FHIT: variants seen among roughly 807,000 people sequenced by gnomAD.
FHIT encodes fragile histidine triad diadenosine triphosphatase.
FHIT carries 19 observed loss-of-function variants against 17.9 expected under a neutral mutation model. That is an observed-to-expected ratio of 1.06 (90% CI 0.74 to 1.56). The LOEUF is 1.56. Ranked by LOEUF, FHIT falls within the 40% of genes most tolerant of loss-of-function variation. The pLI is 0.00. For missense variants in FHIT, 248 were observed against 189.2 expected, an observed-to-expected ratio of 1.31 and a Z score of -1.82; for synonymous variants, 81 against 69.7, an observed-to-expected ratio of 1.16 and a Z score of -0.81.
At chr3:60,673,165 A>G (rs2040548920) in intron 4 of FHIT, among the ~76,000 whole-genome samples, 2 of 152,060 alleles carry the variant, frequency 1.3e-5, no homozygotes, top group South Asian at 2.1e-4. Flanking sequence ...ATTATTCCAT[A>G]TATTTACCAT....
At chr3:60,807,556 C>A (rs1701440566) in intron 4 of FHIT, among the ~76,000 whole-genome samples, 1 of 152,114 alleles carries the variant, frequency 6.6e-6, no homozygotes, top group African/African-American at 2.4e-5. Flanking sequence ...CCACTGCACC[C>A]CAGCCTGGGC....
chr3:60,541,867 G>C (rs1010508170), intron 4 of FHIT, among the ~76,000 whole-genome samples: 2 of 152,166 alleles, frequency 1.3e-5, no homozygotes, highest in African/African-American at 4.8e-5. Flanking sequence ...GAATAGAATT[G>C]ACTTAGCACA....
chr3:61,102,541 T>C (rs2035864852), intron 2 of FHIT, among the ~76,000 whole-genome samples: 2 of 152,184 alleles, frequency 1.3e-5, no homozygotes, highest in Admixed American at 6.5e-5. Context: ...TCTTCCAGGC[T>C]TTGGTATCAG....
In FHIT at chr3:60,124,017, G is replaced by GAA. The variant is rs1559653782; in HGVS notation, c.104-109866_104-109865insTT. Among the ~76,000 whole-genome samples the GAA allele has an allele frequency of 4.0e-4, 25 of 63,000 alleles. No homozygotes were observed. In the East Asian group the frequency reaches 6.9e-3, roughly 17 times the overall value. 41.3% of individuals were successfully genotyped at this position (63,000 alleles called of 152,430 possible). A position where few individuals can be genotyped will look rare whatever the true frequency, so the allele number is the denominator to read the frequency against. On this transcript the variant is annotated intron_variant, in intron 5 of 9. Coordinates refer to ENST00000492590, the MANE Select transcript of FHIT (RefSeq NM_002012.4). ...ATATATATATATATATATAGAGAGAGAGAGAGAGAGAGAGAGAGAGAGAGA... is the reference window on the plus strand; with the variant it reads ...ATATATATATATATATATAGAGAGAGAAAGAGAGAGAGAGAGAGAGAGAGAGA...
Position 60,544,819 on chromosome 3 carries a change from A to G in FHIT, c.-17-7840T>C, listed in dbSNP as rs576843395. 4.6e-5 allele frequency among the ~76,000 whole-genome samples: 7 copies of G among 151,050 alleles called. No individual in the cohort carries two copies. The South Asian group carries it at 1.5e-3, about 32-fold the overall frequency. On this transcript the variant is annotated intron_variant, in intron 4 of 9. Coordinates refer to ENST00000492590, the MANE Select transcript of FHIT (RefSeq NM_002012.4). ...ACCACATTGGCCAGGCTGGTCTCGAACTCCTAACCTCAAGTAATCCACCTG... is the reference window on the plus strand; with the variant it reads ...ACCACATTGGCCAGGCTGGTCTCGAGCTCCTAACCTCAAGTAATCCACCTG...
At chr3:61,040,000 G>C (rs77486676) in intron 3 of FHIT, among the ~76,000 whole-genome samples, 2,881 of 152,262 alleles carry the variant, frequency 0.019, 39 homozygotes, top group Non-Finnish European at 0.027. Flanking sequence ...AGCAAAGAAA[G>C]AGCATCAGAA....
intron 5 of FHIT, among the ~76,000 whole-genome samples, chr3:60,286,822 A>G (rs1402989885): frequency 6.6e-6 from 1 of 152,210 alleles, no homozygotes; most frequent in African/African-American, 2.4e-5. Flanking sequence ...AGATCAATTT[A>G]CCATCCCATG....
At chr3:60,729,390 C>T (rs1223607701) in intron 4 of FHIT, among the ~76,000 whole-genome samples, 1 of 152,140 alleles carries the variant, frequency 6.6e-6, no homozygotes, top group East Asian at 1.9e-4. Context: ...TTGTATGCGG[C>T]TTGTGTCATC....
intron 5 of FHIT, among the ~76,000 whole-genome samples, chr3:60,442,499 A>G (rs986429226): frequency 1.3e-5 from 2 of 152,172 alleles, no homozygotes; most frequent in African/African-American, 4.8e-5. Flanking sequence ...ATGGCTAGCC[A>G]GTTTTCCCAG....
At chr3:60,587,129 A>G (rs1253634622) in intron 4 of FHIT, among the ~76,000 whole-genome samples, 1 of 152,060 alleles carries the variant, frequency 6.6e-6, no homozygotes, top group East Asian at 1.9e-4. Context: ...CAGACTAGAT[A>G]AAGAAAAAGT....
At chr3:59,988,676 G>C (rs1709093929) in intron 7 of FHIT, among the ~76,000 whole-genome samples, 1 of 152,012 alleles carries the variant, frequency 6.6e-6, no homozygotes, top group South Asian at 2.1e-4. Context: ...TGTGCCTAAG[G>C]GTTTCAAACT....
At chr3:59,908,789 T>G (rs1704705543) in intron 8 of FHIT, among the ~76,000 whole-genome samples, 1 of 152,166 alleles carries the variant, frequency 6.6e-6, no homozygotes, top group Non-Finnish European at 1.5e-5. Context: ...GCTGATGAGA[T>G]GGTTTGCTTT....
chr3:59,821,351 G>T (rs936824), intron 8 of FHIT, among the ~76,000 whole-genome samples: 1 of 152,200 alleles, frequency 6.6e-6, no homozygotes, highest in East Asian at 1.9e-4. Flanking sequence ...GGCTCATGTC[G>T]GGGTAAAGAG....
intron 5 of FHIT, among the ~76,000 whole-genome samples, chr3:60,335,284 A>C (rs1295134810): frequency 1.3e-5 from 2 of 152,222 alleles, no homozygotes; most frequent in Admixed American, 6.5e-5. Context: ...CTTAAAAAAA[A>C]CTTGAATTGC....
At chr3:59,802,078 C>T (rs959182619) in intron 8 of FHIT, among the ~76,000 whole-genome samples, 2 of 152,232 alleles carry the variant, frequency 1.3e-5, no homozygotes, top group African/African-American at 4.8e-5. Flanking sequence ...ATGCCACAGG[C>T]TGCCACATGG....
intron 6 of FHIT, among the ~76,000 whole-genome samples, chr3:60,013,669 G>A (rs1049553541): frequency 6.6e-6 from 1 of 152,164 alleles, no homozygotes; most frequent in African/African-American, 2.4e-5. Flanking sequence ...CTTAGTCTAT[G>A]CAGTGCTCAA....
intron 8 of FHIT, among the ~76,000 whole-genome samples, chr3:59,818,949 C>A (rs1025655108): frequency 2.0e-5 from 3 of 152,230 alleles, no homozygotes; most frequent in Admixed American, 6.5e-5. Context: ...GCAATGACTA[C>A]TCTGTGTCAG....
chr3:61,080,446 A>C (rs1042044107), intron 2 of FHIT, among the ~76,000 whole-genome samples: 5 of 152,212 alleles, frequency 3.3e-5, no homozygotes, highest in African/African-American at 1.2e-4. Context: ...GCCAAAATGC[A>C]GAGATGAAAC....
At chr3:60,850,155 T>C (rs1703094479) in intron 3 of FHIT, among the ~76,000 whole-genome samples, 1 of 152,096 alleles carries the variant, frequency 6.6e-6, no homozygotes, top group African/African-American at 2.4e-5. Flanking sequence ...TTAAGACCTC[T>C]GCCAGCTCTA....
Sources: gnomAD v4.1 joint callset for allele counts (sites outside exome capture counted in the v4.1 genomes callset) on GRCh38, gnomAD v4.1.1 for gene constraint, MANE v1.5 for transcripts, NCBI Gene and HGNC (gene_info 2026-07-23, HGNC 2026-07-21) for gene names.